GDAP1: variants seen among roughly 807,000 people sequenced by gnomAD.
GDAP1 encodes the protein ganglioside induced differentiation associated protein 1.
A neutral mutation model predicts 40.1 loss-of-function variants in GDAP1; 34 were observed. That is an observed-to-expected ratio of 0.85 (90% CI 0.64 to 1.13). The LOEUF is 1.13. Among genes scored for constraint, GDAP1 ranks in the 50% most tolerant of loss-of-function variants. GDAP1 has a pLI of 0.00. For synonymous variants in GDAP1, 170 were observed against 157.4 expected, an observed-to-expected ratio of 1.08 and a Z score of -0.60; for missense variants, 374 against 433.7, an observed-to-expected ratio of 0.86 and a Z score of 1.22.
chr8:74,416,409 A>T (rs986603592), intron 2 of GDAP1, among the ~76,000 whole-genome samples: 1 of 150,118 alleles, frequency 6.7e-6, no homozygotes, highest in African/African-American at 2.5e-5. Flanking sequence ...AACATCTGCA[A>T]GCAGAATAAC....
chr8:74,426,036 G>C (rs980195333), intron 2 of GDAP1, among the ~76,000 whole-genome samples: 2 of 152,166 alleles, frequency 1.3e-5, no homozygotes, highest in African/African-American at 4.8e-5. Flanking sequence ...AGGCTCTGCA[G>C]TTGTTCCTAG....
intron 2 of GDAP1, among the ~76,000 whole-genome samples, chr8:74,391,579 C>G (rs2131543283): frequency 6.6e-6 from 1 of 152,008 alleles, no homozygotes; most frequent in South Asian, 2.1e-4. Flanking sequence ...CACCCACCTT[C>G]TGCGTTGATC....
rs1305811272 is a variant in GDAP1 at position 74,364,590 on chromosome 8, T to A, written c.*223T>A. The A allele has an allele frequency of 4.5e-6, 3 of 667,730 alleles. No individual in the cohort carries two copies. The highest frequency in any genetic ancestry group is 8.2e-6 in the Non-Finnish European group (3 of 365,228). The allele number at this position is 667,730 out of a possible 1,614,324, so 41.4% of individuals were successfully genotyped here. A position where few individuals can be genotyped will look rare whatever the true frequency, so the allele number is the denominator to read the frequency against. Reference sequence around the variant, plus strand: ...AGGCAGAAATAGGAAGGCAAAGAGATAAGAGAAGGAAAAATGAGAGAATGA... The same window carrying A: ...AGGCAGAAATAGGAAGGCAAAGAGAAAAGAGAAGGAAAAATGAGAGAATGA... On this transcript the variant is annotated 3_prime_UTR_variant, in exon 6 of 6. Coordinates refer to ENST00000220822, the MANE Select transcript of GDAP1 (RefSeq NM_018972.4).
At chr8:74,458,288 A>G (rs1297642916) in intron 2 of GDAP1, among the ~76,000 whole-genome samples, 1 of 152,012 alleles carries the variant, frequency 6.6e-6, no homozygotes, top group East Asian at 1.9e-4. Context: ...TAACAAGGAA[A>G]TATTAATTTT....
At chr8:74,397,738 A>AT (rs944069993) in intron 2 of GDAP1, among the ~76,000 whole-genome samples, 70 of 152,232 alleles carry the variant, frequency 4.6e-4, no homozygotes, top group Non-Finnish European at 7.5e-4. Context: ...TACCAGTACC[A>AT]TGCTGTTTTG....
downstream of GDAP1, among the ~76,000 whole-genome samples, chr8:74,368,590 T>G (rs1037525326): frequency 2.0e-5 from 3 of 152,198 alleles, no homozygotes; most frequent in African/African-American, 7.2e-5. Context: ...AGAGCAAGAC[T>G]ACATGAGTCC....
At chr8:74,470,886 C>T (rs544672680) in intron 2 of GDAP1, among the ~76,000 whole-genome samples, 227 of 152,302 alleles carry the variant, frequency 1.5e-3, no homozygotes, top group Non-Finnish European at 2.6e-3. Flanking sequence ...TAAAAGTGTT[C>T]CTGTTTCTCC....
chr8:74,400,438 A>C (rs570488927), intron 2 of GDAP1, among the ~76,000 whole-genome samples: 2 of 149,044 alleles, frequency 1.3e-5, no homozygotes, highest in African/African-American at 5.2e-5. Context: ...TTTTGAGTCT[A>C]TGTGTGTCTC....
intron 2 of GDAP1, among the ~76,000 whole-genome samples, chr8:74,444,956 A>G (rs949098066): frequency 6.6e-6 from 1 of 152,190 alleles, no homozygotes. Context: ...TAAATCTATT[A>G]GTTTGATTCT....
chr8:74,461,296 T>G (rs1386940424), intron 2 of GDAP1, among the ~76,000 whole-genome samples: 1 of 152,198 alleles, frequency 6.6e-6, no homozygotes, highest in African/African-American at 2.4e-5. Flanking sequence ...AGCAGAACAT[T>G]AATGCTCTGC....
chr8:74,480,655 T>C (rs1398382228), intron 2 of GDAP1, among the ~76,000 whole-genome samples: 1 of 152,240 alleles, frequency 6.6e-6, no homozygotes, highest in Non-Finnish European at 1.5e-5. Context: ...ATCTATGTGT[T>C]GGTCAAATTT....
At chr8:74,382,275 G>T (rs58601612) in intron 2 of GDAP1, among the ~76,000 whole-genome samples, 2 of 151,394 alleles carry the variant, frequency 1.3e-5, no homozygotes, top group African/African-American at 4.8e-5. Context: ...CTTCATGCTC[G>T]TGTTTTACAT....
chr8:74,367,928 G>A (rs537697751), downstream of GDAP1, among the ~76,000 whole-genome samples: 1 of 152,298 alleles, frequency 6.6e-6, no homozygotes, highest in African/African-American at 2.4e-5. Context: ...CAGTGGGGTA[G>A]AGCAGCTCTG....
At chr8:74,395,840 G>T (rs572990834) in intron 2 of GDAP1, among the ~76,000 whole-genome samples, 1 of 152,148 alleles carries the variant, frequency 6.6e-6, no homozygotes, top group African/African-American at 2.4e-5. Context: ...GATGTACCAT[G>T]TTGTTTTAGA....
intron 2 of GDAP1, among the ~76,000 whole-genome samples, chr8:74,462,142 G>A (rs1219538421): frequency 6.6e-6 from 1 of 152,214 alleles, no homozygotes; most frequent in African/African-American, 2.4e-5. Context: ...ATTTAAAAGA[G>A]TTAAGAATAT....
At chr8:74,362,794 T>TA in intron 4 of GDAP1, 145 bp from the exon 5 acceptor site, 1 of 417,466 alleles carries the variant, frequency 2.4e-6, no homozygotes, top group Non-Finnish European at 4.2e-6. Context: ...CTTTTTTTTT[T>TA]TTTTTTTTTT....
At chr8:74,381,806 TG>T (rs1809958433) in intron 2 of GDAP1, among the ~76,000 whole-genome samples, 1 of 151,260 alleles carries the variant, frequency 6.6e-6, no homozygotes, top group Admixed American at 6.6e-5. Context: ...AATTTAACAC[TG>T]AAACTCCTGA....
At chr8:74,431,770 T>C (rs1325082540) in intron 2 of GDAP1, among the ~76,000 whole-genome samples, 1 of 152,174 alleles carries the variant, frequency 6.6e-6, no homozygotes. Flanking sequence ...TGTGAGCCAC[T>C]GCACCCGGCC....
intron 2 of GDAP1, among the ~76,000 whole-genome samples, chr8:74,374,069 G>T (rs546517396): frequency 1.6e-4 from 24 of 152,248 alleles, no homozygotes; most frequent in African/African-American, 5.8e-4. Context: ...TTATTGATTG[G>T]CGTACGTTGA....
Sources: allele counts gnomAD v4.1 joint callset (sites outside exome capture counted in the v4.1 genomes callset), GRCh38; gene constraint gnomAD v4.1.1; transcripts MANE v1.5; gene names NCBI Gene and HGNC (gene_info 2026-07-23, HGNC 2026-07-21).